Variants in KLKB1 observed in about 807,000 individuals in gnomAD.
KLKB1 encodes kallikrein B1.
Under a neutral mutation model 73.6 loss-of-function variants are expected in KLKB1, and 58 were observed. The ratio of observed to expected loss-of-function variants is 0.79; its 90% CI spans 0.64 to 0.98. KLKB1 has a LOEUF of 0.98. Ranked by LOEUF, KLKB1 falls within the 50% of genes least tolerant of loss-of-function variation. The probability of loss-of-function intolerance (pLI) is 0.00; values close to 1 mark genes in which losing one functional copy is unlikely to be tolerated. For missense variants in KLKB1, 737 were observed against 763.8 expected (o/e 0.96, Z 0.41); for synonymous variants, 280 against 258.1 (o/e 1.08, Z -0.81).
chr4:186,234,008 C>G lies in KLKB1; in HGVS notation c.278C>G (p.Thr93Arg), dbSNP rs761477151. The change falls in exon 4 of 15, where the codon ACA (threonine) becomes AGA (arginine). Residue 93 changes from threonine (T) to arginine (R), a missense_variant. Transcript: ENST00000264690. ...VTGTLPKVHR[T>R]GAVSGHSLKQ... ...GGAACCCTGCCAAAAGTACATCGAACAGGTGCAGTTTCTGGACATTCCTTG... is the reference window on the plus strand; with the variant it reads ...GGAACCCTGCCAAAAGTACATCGAAGAGGTGCAGTTTCTGGACATTCCTTG... The G allele has an allele frequency of 1.2e-6, 2 of 1,613,914 alleles. No homozygotes were observed. Among genetic ancestry groups the G allele is most frequent in the African/African-American group, 2.7e-5 (2 of 74,916 alleles).
At chr4:186,255,960 G>A (rs1738971396) in intron 12 of KLKB1, 32 bp from the exon 13 acceptor site, 1 of 1,348,530 alleles carries the variant, frequency 7.4e-7, no homozygotes. Flanking sequence ...AACTTTATTT[G>A]ACCAAACTCT....
chr4:186,211,428 CT>C (rs1736717358), intron 2 of KLKB1: 1 of 152,232 alleles, frequency 6.6e-6, no homozygotes, highest in African/African-American at 2.4e-5. Context: ...ATTCTCCTGC[CT>C]CAGCCTCCTG....
intron 4 of KLKB1, among the ~76,000 whole-genome samples, chr4:186,235,990 T>G (rs978846687): frequency 6.6e-6 from 1 of 151,644 alleles, no homozygotes; most frequent in Non-Finnish European, 1.5e-5. Context: ...GGCGCGCGCC[T>G]GTAGTCCCAG....
chr4:186,242,294 C>T (rs1033595687), intron 6 of KLKB1, among the ~76,000 whole-genome samples: 4 of 150,296 alleles, frequency 2.7e-5, no homozygotes, highest in Admixed American at 6.7e-5. Flanking sequence ...TAGATGTATA[C>T]GTGCAGGCCT....
At chr4:186,215,788 G>A (rs1736887232) in intron 2 of KLKB1, among the ~76,000 whole-genome samples, 1 of 152,042 alleles carries the variant, frequency 6.6e-6, no homozygotes, top group Non-Finnish European at 1.5e-5. Flanking sequence ...TGTTTCCCAG[G>A]CTAAATTAAG....
intron 6 of KLKB1, 130 bp downstream of exon 6, chr4:186,238,495 A>G (rs1474615833): frequency 1.4e-5 from 10 of 729,976 alleles, no homozygotes; most frequent in Admixed American, 9.8e-5. Context: ...TGTCAATGGC[A>G]TGCAGTTACG....
intron 2 of KLKB1, among the ~76,000 whole-genome samples, chr4:186,217,408 G>A (rs1736931601): frequency 6.6e-6 from 1 of 152,086 alleles, no homozygotes; most frequent in Non-Finnish European, 1.5e-5. Context: ...TGCACCACTT[G>A]ATATCCTAAA....
At chr4:186,219,299 C>T (rs1290382158) in intron 2 of KLKB1, among the ~76,000 whole-genome samples, 1 of 152,142 alleles carries the variant, frequency 6.6e-6, no homozygotes, top group African/African-American at 2.4e-5. Flanking sequence ...AAGTCCACCC[C>T]TTGTCTACTT....
intron 2 of KLKB1, among the ~76,000 whole-genome samples, chr4:186,215,187 T>G (rs564751330): frequency 2.0e-5 from 3 of 152,142 alleles, no homozygotes; most frequent in Non-Finnish European, 4.4e-5. Context: ...TTAAAAATGT[T>G]TTCAGTTTAC....
Position 186,252,205 on chromosome 4 carries a change from C to T in KLKB1, c.1313+20C>T, listed in dbSNP as rs770867096. 6.2e-7 allele frequency: 1 copy of T among 1,611,644 alleles called. No homozygotes were observed. Among genetic ancestry groups the T allele is most frequent in the East Asian group, 2.2e-5 (1 of 44,878 alleles). On this transcript the variant is annotated intron_variant, in intron 11 of 14. Coordinates refer to ENST00000264690, the MANE Select transcript of KLKB1 (RefSeq NM_000892.5). ...TGATGGGTAAGTGTTGGATGCATCT[C>T]ATCCAGAGTCTTATCTTGGCTTTTC...
rs141123985 is a variant in KLKB1, at chr4:186,216,733, C to T, written c.201+7461C>T. 3.7e-3 allele frequency among the ~76,000 whole-genome samples: 570 copies of T among 152,326 alleles called. 4 individuals carry two copies. The highest frequency in any genetic ancestry group is 0.013 in the African/African-American group (544 of 41,572). Reference sequence around the variant, plus strand: ...TTGGCTCTTGTCCAGAGATGACTCTCAGGTCCTTCCCCGTGACCCATCTCA... The same window carrying T: ...TTGGCTCTTGTCCAGAGATGACTCTTAGGTCCTTCCCCGTGACCCATCTCA... On this transcript the variant is annotated intron_variant, in intron 2 of 14. Transcript: ENST00000511608.
intron 12 of KLKB1, among the ~76,000 whole-genome samples, chr4:186,255,205 G>A (rs908282007): frequency 3.3e-5 from 5 of 152,134 alleles, no homozygotes; most frequent in Admixed American, 1.3e-4. Context: ...CCAGAGCATC[G>A]TGGTCAGAGG....
rs553106583 is a variant in KLKB1, at chr4:186,251,827, C to T, written c.1110C>T (p.Tyr370=). The change falls in exon 10 of 15, where the codon TAC becomes TAT. Residue 370 remains tyrosine, a synonymous_variant. Coordinates refer to ENST00000264690, the MANE Select transcript of KLKB1 (RefSeq NM_000892.5). The part of the protein sequence containing the change: ...IAYGTQGSSG[Y]SLRLCNTGDN... The stretch of plus-strand genomic sequence containing the variant: ...ATGGGACACAAGGGAGCTCTGGTTA[C>T]TCTTTGAGATTGTGTAACACTGGGG... 1 of 1,613,938 alleles carries T rather than the reference C, an allele frequency of 6.2e-7. No homozygotes were observed. Among genetic ancestry groups the T allele is most frequent in the Admixed American group, 1.7e-5 (1 of 60,026 alleles).
intron 8 of KLKB1, 68 bp from the exon 9 acceptor site, chr4:186,251,419 G>A: frequency 6.4e-7 from 1 of 1,554,926 alleles, no homozygotes; most frequent in Middle Eastern, 1.7e-4. Flanking sequence ...CAAGGTAACA[G>A]AAACTTGTGT....
chr4:186,216,406 G>C (rs13134945), intron 2 of KLKB1, among the ~76,000 whole-genome samples: 1 of 152,158 alleles, frequency 6.6e-6, no homozygotes, highest in South Asian at 2.1e-4. Context: ...CAGAATGGCA[G>C]GGAGTGAGAA....
At chr4:186,213,943 T>C (rs866551394) in intron 2 of KLKB1, among the ~76,000 whole-genome samples, 1 of 152,186 alleles carries the variant, frequency 6.6e-6, no homozygotes, top group Non-Finnish European at 1.5e-5. Flanking sequence ...AATTACCGGC[T>C]TTTCTTCTGT....
At chr4:186,214,162 A>G (rs1736823612) in intron 2 of KLKB1, among the ~76,000 whole-genome samples, 1 of 152,202 alleles carries the variant, frequency 6.6e-6, no homozygotes, top group African/African-American at 2.4e-5. Flanking sequence ...TCAATCAGCA[A>G]TAGAACCTCT....
intron 2 of KLKB1, among the ~76,000 whole-genome samples, chr4:186,217,288 T>TTTG (rs145611982): frequency 0.13 from 19,434 of 151,904 alleles, 1,309 homozygotes; most frequent in South Asian, 0.2. Flanking sequence ...TCCCAGTTGT[T>TTTG]TTGTTGTTGT....
rs1465250488 is a variant in KLKB1, at chr4:186,252,099, G to A, written c.1227G>A (p.Gln409=). The A allele has an allele frequency of 1.2e-6, 2 of 1,613,976 alleles. No individual in the cohort carries two copies. The highest frequency in any genetic ancestry group is 1.1e-5 in the South Asian group (1 of 91,092). The change falls in exon 11 of 15, where the codon CAG becomes CAA. Residue 409 remains glutamine (Q), a synonymous_variant. Coordinates refer to ENST00000264690, the MANE Select transcript of KLKB1 (RefSeq NM_000892.5). ...WGEWPWQVSL[Q]VKLTAQRHLC... The stretch of plus-strand genomic sequence containing the variant: ...AGTGGCCCTGGCAGGTGAGCCTGCA[G>A]GTGAAGCTGACAGCTCAGAGGCACC...
Sources: gnomAD v4.1 joint callset for allele counts (sites outside exome capture counted in the v4.1 genomes callset) on GRCh38, gnomAD v4.1.1 for gene constraint, MANE v1.5 for transcripts, NCBI Gene and HGNC (gene_info 2026-07-23, HGNC 2026-07-21) for gene names.